Variants in DAPK1 observed in about 807,000 individuals in gnomAD.
The protein encoded by DAPK1 is death associated protein kinase 1.
Under a neutral mutation model 144.9 loss-of-function variants are expected in DAPK1, and 56 were observed. That is an observed-to-expected ratio of 0.39 (90% confidence interval 0.31 to 0.48). The LOEUF is 0.48. Among genes scored for constraint, DAPK1 ranks in the 20% least tolerant of loss-of-function variants. The pLI is 0.95. For missense variants in DAPK1, 1,454 were observed against 1,875.4 expected (o/e 0.78, Z 4.15); for synonymous variants, 690 against 749.0 (o/e 0.92, Z 1.29).
intron 4 of DAPK1, 110 bp from the exon 5 acceptor site, chr9:87,639,244 T>C (rs1830006534): frequency 9.6e-7 from 1 of 1,039,194 alleles, no homozygotes. Flanking sequence ...CCACCCTTTC[T>C]TCCCTACTTT....
At chr9:87,513,612 C>T (rs1056855354) in intron 2 of DAPK1, among the ~76,000 whole-genome samples, 5 of 152,076 alleles carry the variant, frequency 3.3e-5, no homozygotes, top group Admixed American at 1.3e-4. Flanking sequence ...ATTTGAAAAC[C>T]GAGGTTCAGA....
chr9:87,545,376 CA>C (rs1826206624), intron 2 of DAPK1, among the ~76,000 whole-genome samples: 1 of 152,120 alleles, frequency 6.6e-6, no homozygotes, highest in Non-Finnish European at 1.5e-5. Context: ...TTAAAATACA[CA>C]TAATACTAGA....
intron 18 of DAPK1, among the ~76,000 whole-genome samples, chr9:87,665,465 G>T (rs1374140454): frequency 2.0e-5 from 3 of 152,170 alleles, no homozygotes; most frequent in Non-Finnish European, 4.4e-5. Context: ...ACTATCTAAA[G>T]ATGTTTAAAT....
intron 2 of DAPK1, among the ~76,000 whole-genome samples, chr9:87,583,207 C>T (rs1827814989): frequency 6.6e-6 from 1 of 152,058 alleles, no homozygotes; most frequent in East Asian, 1.9e-4. Context: ...TTACAGATTC[C>T]CCCTTTATTG....
intron 2 of DAPK1, among the ~76,000 whole-genome samples, chr9:87,560,597 G>A (rs763704441): frequency 4.6e-5 from 7 of 151,150 alleles, no homozygotes; most frequent in African/African-American, 1.2e-4. Flanking sequence ...TTGTGCTTTT[G>A]TGACCTGCTT....
At chr9:87,565,261 G>A (rs1295842979) in intron 2 of DAPK1, among the ~76,000 whole-genome samples, 4 of 152,160 alleles carry the variant, frequency 2.6e-5, no homozygotes, top group Non-Finnish European at 4.4e-5. Context: ...AAAGAAAAAC[G>A]TGAGACAGAA....
At chr9:87,660,471 A>G (rs994308975) in intron 18 of DAPK1, among the ~76,000 whole-genome samples, 1 of 152,162 alleles carries the variant, frequency 6.6e-6, no homozygotes, top group Non-Finnish European at 1.5e-5. Flanking sequence ...CCTGTCAATA[A>G]ATTTATTGAT....
chr9:87,567,321 A>T (rs1214684458), intron 2 of DAPK1, among the ~76,000 whole-genome samples: 1 of 152,176 alleles, frequency 6.6e-6, no homozygotes. Context: ...GAAAAGGGAA[A>T]TCCTGCCAAA....
Position 87,648,834 on chromosome 9 carries a change from T to C in DAPK1, c.1383T>C (p.Ala461=), listed in dbSNP as rs1363348016. ...VAARYGHADV[A]QLLCSFGSNP... ...CTCGCTATGGCCATGCTGACGTGGC[T>C]CAGTTACTGTGCAGCTTCGGCTCAA... Residue 461 remains alanine, a synonymous_variant, in exon 15 of 26, where the codon GCT becomes GCC. Coordinates refer to ENST00000408954, the MANE Select transcript of DAPK1 (RefSeq NM_004938.4). 6.2e-7 allele frequency: 1 copy of C among 1,614,234 alleles called. No homozygotes were observed. The highest frequency in any genetic ancestry group is 1.1e-5 in the South Asian group (1 of 91,084).
At chr9:87,572,598 T>A (rs1454538401) in intron 2 of DAPK1, among the ~76,000 whole-genome samples, 1 of 152,112 alleles carries the variant, frequency 6.6e-6, no homozygotes, top group East Asian at 1.9e-4. Context: ...ACCTGGTTGC[T>A]GAAAAGTGTG....
intron 18 of DAPK1, among the ~76,000 whole-genome samples, chr9:87,666,147 T>G (rs1258866030): frequency 1.3e-5 from 2 of 152,174 alleles, no homozygotes; most frequent in Non-Finnish European, 1.5e-5. Context: ...ACTGCTTGCT[T>G]CTTCTGTGCC....
chr9:87,680,653 GCGCA>G (rs1013800089), intron 19 of DAPK1, among the ~76,000 whole-genome samples: 30 of 150,450 alleles, frequency 2.0e-4, no homozygotes, highest in African/African-American at 7.1e-4. Flanking sequence ...ACACACACAC[GCGCA>G]CACACACACA....
intron 2 of DAPK1, among the ~76,000 whole-genome samples, chr9:87,508,820 A>G (rs558091890): frequency 6.6e-6 from 1 of 152,226 alleles, no homozygotes; most frequent in East Asian, 1.9e-4. Flanking sequence ...AGCACCTCAT[A>G]TGTCTATCCA....
At chr9:87,597,115 T>C (rs1253467183) in intron 2 of DAPK1, among the ~76,000 whole-genome samples, 1 of 152,218 alleles carries the variant, frequency 6.6e-6, no homozygotes, top group African/African-American at 2.4e-5. Flanking sequence ...AGGGAGCTTC[T>C]GAGAACTCAA....
chr9:87,667,641 TA>T (rs1384526791), intron 18 of DAPK1: 5 of 152,166 alleles, frequency 3.3e-5, no homozygotes, highest in Admixed American at 3.3e-4. Context: ...CGGATATCCC[TA>T]AGCTTCTACA....
intron 3 of DAPK1, chr9:87,633,361 G>T: frequency 2.0e-6 from 2 of 985,178 alleles, no homozygotes; most frequent in Non-Finnish European, 2.4e-6. Context: ...TATGGGTGAG[G>T]GGGGATGGAG....
intron 2 of DAPK1, among the ~76,000 whole-genome samples, chr9:87,532,687 A>T (rs11141868): frequency 0.45 from 68,131 of 151,960 alleles, 15,545 homozygotes; most frequent in South Asian, 0.58. Context: ...AGGCATTCAT[A>T]ATAGAGCCAG....
chr9:87,651,650 G>A lies in DAPK1; in HGVS notation c.1750G>A (p.Ala584Thr), dbSNP rs1304759952. The part of the protein sequence containing the change: ...DRHGNTPLHV[A>T]CKDGNMPIVV... ...GCACGGCAATACTCCCCTCCATGTGGCATGTAAAGATGGCAACATGCCTAT... is the reference window on the plus strand; with the variant it reads ...GCACGGCAATACTCCCCTCCATGTGACATGTAAAGATGGCAACATGCCTAT... The change falls in exon 17 of 26, where the codon GCA becomes ACA. Residue 584 changes from alanine to threonine, a missense_variant. Around this residue, in one of 2 missense-constraint regions of DAPK1, gnomAD observed 1,025 missense variants for 1,237.9 expected, o/e 0.83. Coordinates refer to ENST00000408954, the MANE Select transcript of DAPK1 (RefSeq NM_004938.4). 1.9e-6 allele frequency: 3 copies of A among 1,614,058 alleles called. No homozygotes were observed. The African/African-American group carries it at 4.0e-5, about 22-fold the overall frequency.
chr9:87,619,298 G>A (rs1299577109), intron 3 of DAPK1, among the ~76,000 whole-genome samples: 2 of 152,200 alleles, frequency 1.3e-5, no homozygotes, highest in African/African-American at 2.4e-5. Context: ...TCCTGCAGTG[G>A]ACTGTGAGCT....
Sources: gnomAD v4.1 joint callset for allele counts (sites outside exome capture counted in the v4.1 genomes callset) on GRCh38, gnomAD v4.1.1 for gene constraint, gnomAD v4.1.1 regional missense constraint, MANE v1.5 for transcripts, NCBI Gene and HGNC (gene_info 2026-07-23, HGNC 2026-07-21) for gene names.